DOK6: variants seen among roughly 807,000 people sequenced by gnomAD.
The protein encoded by DOK6 is docking protein 6.
In DOK6, 22 loss-of-function variants were observed where a neutral mutation model predicts 44.0. The observed-to-expected ratio is 0.50, with a 90% CI of 0.36 to 0.71. DOK6 has a LOEUF of 0.71. Among genes scored for constraint, DOK6 ranks in the 30% least tolerant of loss-of-function variants. The probability of loss-of-function intolerance (pLI) is 0.00; values close to 1 mark genes in which losing one functional copy is unlikely to be tolerated. For synonymous variants in DOK6, 166 were observed against 145.5 expected (o/e 1.14, Z -1.01); for missense variants, 340 against 416.4 (o/e 0.82, Z 1.60).
At chr18:69,563,221 A>G (rs1298134677) in intron 1 of DOK6, among the ~76,000 whole-genome samples, 1 of 152,164 alleles carries the variant, frequency 6.6e-6, no homozygotes, top group Non-Finnish European at 1.5e-5. Flanking sequence ...AACTAGTTCA[A>G]CCATTGTGGA....
At chr18:69,473,499 A>G (rs1240322790) in intron 1 of DOK6, among the ~76,000 whole-genome samples, 1 of 152,154 alleles carries the variant, frequency 6.6e-6, no homozygotes. Flanking sequence ...CTGTTAACTC[A>G]GACTCACCTG....
At position 69,563,206 on chromosome 18, in the gene DOK6, C is replaced by G. The variant is rs1458256095; in HGVS notation, c.67-1281C>G. On this transcript the variant is annotated intron_variant, in intron 1 of 7. Transcript: ENST00000382713. ...GAACACTTTTACACTGTTGGTGGGA[C>G]TGTAAACTAGTTCAACCATTGTGGA... is the stretch of plus-strand genomic sequence containing the variant. 3.3e-5 allele frequency among the ~76,000 whole-genome samples: 5 copies of G among 152,274 alleles called. No homozygotes were observed. The East Asian group carries it at 9.7e-4, about 29-fold the overall frequency.
chr18:69,759,497 TATA>T, intron 7 of DOK6, among the ~76,000 whole-genome samples: 1 of 152,230 alleles, frequency 6.6e-6, no homozygotes, highest in East Asian at 1.9e-4. Flanking sequence ...TCAGAAGTAG[TATA>T]ATAACTCTAG....
chr18:69,712,895 G>A (rs1720048817), intron 5 of DOK6, among the ~76,000 whole-genome samples: 1 of 152,174 alleles, frequency 6.6e-6, no homozygotes, highest in Non-Finnish European at 1.5e-5. Context: ...AAAATCCCCA[G>A]TAAATGAAGT....
chr18:69,432,279 C>CA (rs1978827645), intron 1 of DOK6, among the ~76,000 whole-genome samples: 2 of 152,130 alleles, frequency 1.3e-5, no homozygotes, highest in African/African-American at 4.8e-5. Flanking sequence ...CCTGTCTCTA[C>CA]AAAAAATTAA....
intron 2 of DOK6, among the ~76,000 whole-genome samples, chr18:69,574,154 A>G (rs1216331063): frequency 6.6e-6 from 1 of 151,980 alleles, no homozygotes; most frequent in Admixed American, 6.6e-5. Flanking sequence ...TCTTTGTGAG[A>G]CACTATGTGT....
chr18:69,483,019 T>G (rs1407293495), intron 1 of DOK6, among the ~76,000 whole-genome samples: 1 of 151,858 alleles, frequency 6.6e-6, no homozygotes, highest in African/African-American at 2.4e-5. Flanking sequence ...TTAGGTATAT[T>G]TTCTGATACT....
At chr18:69,612,806 T>C (rs1984191756) in intron 3 of DOK6, among the ~76,000 whole-genome samples, 1 of 152,168 alleles carries the variant, frequency 6.6e-6, no homozygotes, top group African/African-American at 2.4e-5. Flanking sequence ...ATTAGTAAAA[T>C]TTATACTTGT....
chr18:69,477,869 A>T (rs947224708), intron 1 of DOK6, among the ~76,000 whole-genome samples: 11 of 152,200 alleles, frequency 7.2e-5, no homozygotes, highest in African/African-American at 2.7e-4. Flanking sequence ...TGGTTTATTG[A>T]AACCTAACTG....
intron 1 of DOK6, among the ~76,000 whole-genome samples, chr18:69,455,852 C>G (rs1774363938): frequency 6.6e-6 from 1 of 152,010 alleles, no homozygotes; most frequent in African/African-American, 2.4e-5. Context: ...ACTCATTTAC[C>G]TTTTTAAAAT....
At chr18:69,546,974 T>C (rs537804469) in intron 1 of DOK6, among the ~76,000 whole-genome samples, 1 of 151,726 alleles carries the variant, frequency 6.6e-6, no homozygotes, top group Admixed American at 6.6e-5. Flanking sequence ...AGCATCTGCT[T>C]CTGGGGAGGT....
At chr18:69,729,850 A>G (rs1304802876) in intron 5 of DOK6, among the ~76,000 whole-genome samples, 1 of 152,234 alleles carries the variant, frequency 6.6e-6, no homozygotes, top group African/African-American at 2.4e-5. Flanking sequence ...AAGAAAATGG[A>G]GTGGCTCTAA....
rs1982255281 is a variant in DOK6 at position 69,842,543 on chromosome 18, G to A, written c.*1160G>A. 6.6e-6 allele frequency: 1 copy of A among 152,184 alleles called. No individual in the cohort carries two copies. The highest frequency in any genetic ancestry group is 6.5e-5 in the Admixed American group (1 of 15,276). 9.4% of individuals were successfully genotyped at this position (152,184 alleles called of 1,614,324 possible). On this transcript the variant is annotated 3_prime_UTR_variant, in exon 8 of 8. Coordinates refer to ENST00000382713, the MANE Select transcript of DOK6 (RefSeq NM_152721.6). Reference sequence around the variant, plus strand: ...TAGATGCTGTTCTCACACAACCACTGGGGGCTTGTAATTTACTGTGTAACC... The same window carrying A: ...TAGATGCTGTTCTCACACAACCACTAGGGGCTTGTAATTTACTGTGTAACC...
intron 3 of DOK6, among the ~76,000 whole-genome samples, chr18:69,659,486 C>G (rs1458569317): frequency 2.0e-5 from 3 of 152,156 alleles, no homozygotes; most frequent in African/African-American, 7.2e-5. Context: ...AGGAATTAAT[C>G]CCCTGAGAAA....
chr18:69,813,809 A>T (rs766305385), intron 7 of DOK6, among the ~76,000 whole-genome samples: 4 of 152,098 alleles, frequency 2.6e-5, no homozygotes, highest in Non-Finnish European at 5.9e-5. Flanking sequence ...GTAACCTAAC[A>T]ATCCTAGCAA....
intron 1 of DOK6, among the ~76,000 whole-genome samples, chr18:69,460,900 A>C (rs1979769852): frequency 6.6e-6 from 1 of 152,118 alleles, no homozygotes; most frequent in African/African-American, 2.4e-5. Flanking sequence ...TTTCTGCTTC[A>C]TACTTGGTCT....
chr18:69,728,553 A>G (rs1412173831), intron 5 of DOK6, among the ~76,000 whole-genome samples: 1 of 152,150 alleles, frequency 6.6e-6, no homozygotes, highest in African/African-American at 2.4e-5. Flanking sequence ...TCCATAGCAA[A>G]TCAAAGTCCT....
At chr18:69,434,052 A>T (rs1189082230) in intron 1 of DOK6, among the ~76,000 whole-genome samples, 2 of 152,206 alleles carry the variant, frequency 1.3e-5, no homozygotes, top group African/African-American at 2.4e-5. Context: ...ATACATTTTA[A>T]CTATTTCTTA....
chr18:69,414,366 C>G (rs927176803), intron 1 of DOK6, among the ~76,000 whole-genome samples: 4 of 151,944 alleles, frequency 2.6e-5, no homozygotes, highest in Non-Finnish European at 4.4e-5. Flanking sequence ...ATTAAACAAG[C>G]TGTAGTTCAC....
Sources: allele counts gnomAD v4.1 joint callset (sites outside exome capture counted in the v4.1 genomes callset), GRCh38; gene constraint gnomAD v4.1.1; transcripts MANE v1.5; gene names NCBI Gene and HGNC (gene_info 2026-07-23, HGNC 2026-07-21).